The following STARD10 variants were observed in gnomAD, a reference collection of about 807,000 sequenced individuals.
STARD10 encodes the protein START domain-containing protein 10.
In STARD10, 24 loss-of-function variants were observed where a neutral mutation model predicts 36.0. The observed-to-expected ratio is 0.67, with a 90% confidence interval of 0.48 to 0.94. STARD10 has a LOEUF of 0.94. Among genes scored for constraint, STARD10 ranks in the 40% least tolerant of loss-of-function variants. STARD10 has a pLI of 0.00. For missense variants in STARD10, 335 were observed against 396.6 expected, an observed-to-expected ratio of 0.84 and a Z score of 1.32; for synonymous variants, 156 against 161.9, an observed-to-expected ratio of 0.96 and a Z score of 0.28.
rs1337842358 is a variant in STARD10 at position 72,784,600 on chromosome 11, CT to C, written c.-113-3307del. On this transcript the variant is annotated intron_variant, in intron 1 of 6. Transcript: ENST00000334805. ...CATGATGGTTTGGCAAGTTTTGATT[CT>C]CATGGAAGATCAAACAATGGAAACA... Among the ~76,000 whole-genome samples the C allele has an allele frequency of 2.6e-5, 4 of 152,166 alleles. No homozygotes were observed. In the East Asian group the frequency reaches 5.8e-4, roughly 22 times the overall value.
chr11:72,757,450 A>G (rs1488440037), intron 5 of STARD10, among the ~76,000 whole-genome samples: 2 of 152,314 alleles, frequency 1.3e-5, no homozygotes, highest in East Asian at 1.9e-4. Flanking sequence ...AGAGAAGACT[A>G]AGGCCTAGAA....
In STARD10 at chr11:72,758,771, C is replaced by T. The variant is rs1019592614; in HGVS notation, c.356-138G>A. 4.8e-6 allele frequency: 3 copies of T among 629,620 alleles called. No homozygotes were observed. In the African/African-American group the frequency reaches 5.5e-5, roughly 12 times the overall value. The allele number at this position is 629,620 out of a possible 1,614,324, so 39.0% of individuals were successfully genotyped here. A position where few individuals can be genotyped will look rare whatever the true frequency, so the allele number is the denominator to read the frequency against. On this transcript the variant is annotated intron_variant, in intron 3 of 6. Transcript: ENST00000334805. Reference sequence around the variant, plus strand: ...GCAAAGATACACCTCCCTCCCAGACCACAGTCCCACAGCTGGAGCCAGAAA... The same window carrying T: ...GCAAAGATACACCTCCCTCCCAGACTACAGTCCCACAGCTGGAGCCAGAAA...
rs2135625070 is a variant in STARD10 at position 72,781,415 on chromosome 11, G to C, written c.-113-121C>G. The stretch of plus-strand genomic sequence containing the variant: ...GCTGGCCCCAGGGAAGGGCGGACGG[G>C]CGCTGGACAGCCTCGGGGTCCCCCT... On this transcript the variant is annotated intron_variant, in intron 1 of 6. Transcript: ENST00000334805. This position sits in a 1 kb window ranked among gnomAD's most constrained non-coding sequence, Gnocchi z 4.7. The C allele has an allele frequency of 5.4e-6, 3 of 552,246 alleles. No homozygotes were observed. Among genetic ancestry groups the C allele is most frequent in the Non-Finnish European group, 9.8e-6 (3 of 305,828 alleles). 34.2% of individuals were successfully genotyped at this position (552,246 alleles called of 1,614,324 possible). A position where few individuals can be genotyped will look rare whatever the true frequency, so the allele number is the denominator to read the frequency against.
At chr11:72,761,973 T>C (rs1858724529) in intron 2 of STARD10, among the ~76,000 whole-genome samples, 1 of 142,172 alleles carries the variant, frequency 7.0e-6, no homozygotes, top group African/African-American at 2.6e-5. Context: ...TTGCCTAGGC[T>C]GGAGTGCAAT....
At chr11:72,762,520 G>C (rs1858730603) in intron 2 of STARD10, among the ~76,000 whole-genome samples, 1 of 151,814 alleles carries the variant, frequency 6.6e-6, no homozygotes, top group Non-Finnish European at 1.5e-5. Flanking sequence ...CTCTATAATG[G>C]GGCATAACTA....
chr11:72,760,632 C>T (rs1056200295), intron 2 of STARD10, among the ~76,000 whole-genome samples: 7 of 152,182 alleles, frequency 4.6e-5, no homozygotes, highest in African/African-American at 1.7e-4. Flanking sequence ...ACAACTCTGT[C>T]AGATAAGAAA....
intron 2 of STARD10, among the ~76,000 whole-genome samples, chr11:72,774,088 G>A (rs1431638892): frequency 6.6e-6 from 1 of 152,184 alleles, no homozygotes; most frequent in Non-Finnish European, 1.5e-5. Flanking sequence ...GTCCAAAGAC[G>A]GCAGGCAGGG....
intron 2 of STARD10, among the ~76,000 whole-genome samples, chr11:72,779,885 C>A (rs1402632987): frequency 2.0e-5 from 3 of 152,094 alleles, no homozygotes; most frequent in Non-Finnish European, 4.4e-5. Context: ...CAGAAGGGCT[C>A]AGGGTCAGAG....
At chr11:72,759,843 G>A (rs565539833) in intron 2 of STARD10, among the ~76,000 whole-genome samples, 6 of 152,218 alleles carry the variant, frequency 3.9e-5, no homozygotes, top group South Asian at 2.1e-4. Flanking sequence ...CTTATCACGC[G>A]GCCATACCAC....
chr11:72,771,563 C>T (rs1858857318), intron 2 of STARD10, among the ~76,000 whole-genome samples: 1 of 152,146 alleles, frequency 6.6e-6, no homozygotes, highest in African/African-American at 2.4e-5. Flanking sequence ...CCATGTCTCA[C>T]CCAGACAGAG....
chr11:72,790,493 G>C (rs568042778), intron 1 of STARD10: 2 of 152,314 alleles, frequency 1.3e-5, no homozygotes, highest in South Asian at 2.1e-4. Flanking sequence ...GTGGGCCGGG[G>C]GGGTATCTGA....
At chr11:72,767,450 C>T (rs375963689) in intron 2 of STARD10, among the ~76,000 whole-genome samples, 167 of 152,314 alleles carry the variant, frequency 1.1e-3, no homozygotes, top group Middle Eastern at 6.8e-3. Context: ...ACACAGCTAA[C>T]AGTAGTGAAG....
intron 2 of STARD10, among the ~76,000 whole-genome samples, chr11:72,772,663 ATCTC>A (rs144004318): frequency 6.6e-6 from 1 of 150,454 alleles, no homozygotes; most frequent in Non-Finnish European, 1.5e-5. Context: ...CTGTCTGTCT[ATCTC>A]TCTCTCTCTC....
At chr11:72,789,068 AAC>A (rs34399561) in intron 1 of STARD10, among the ~76,000 whole-genome samples, 77,841 of 151,840 alleles carry the variant, frequency 0.51, 20,101 homozygotes, top group East Asian at 0.62. Flanking sequence ...GCTGGTCTCG[AAC>A]TTCTGGCCTC....
At chr11:72,769,142 AG>A (rs1265562937) in intron 2 of STARD10, among the ~76,000 whole-genome samples, 2 of 152,200 alleles carry the variant, frequency 1.3e-5, no homozygotes, top group African/African-American at 4.8e-5. Flanking sequence ...AGACAGGTTC[AG>A]GGGAGATTCT....
rs1358453533 is a variant in STARD10, at chr11:72,781,508, G to C, written c.-113-214C>G. On this transcript the variant is annotated intron_variant, in intron 1 of 6. Coordinates refer to ENST00000334805, the MANE Select transcript of STARD10 (RefSeq NM_006645.3). The surrounding 1 kb of genome is among the most constrained non-coding windows in gnomAD (Gnocchi z 4.7). ...GCGTATGGGACGCGGTGGCCGGCGGGCGCCCGTCGGGACCCAGGGACTGGC... is the reference window on the plus strand; with the variant it reads ...GCGTATGGGACGCGGTGGCCGGCGGCCGCCCGTCGGGACCCAGGGACTGGC... Among the ~76,000 whole-genome samples the C allele has an allele frequency of 6.6e-6, 1 of 151,502 alleles. No homozygotes were observed. Among genetic ancestry groups the C allele is most frequent in the African/African-American group, 2.4e-5 (1 of 41,304 alleles).
At chr11:72,768,767 T>C (rs1211776101) in intron 2 of STARD10, among the ~76,000 whole-genome samples, 5 of 152,214 alleles carry the variant, frequency 3.3e-5, no homozygotes, top group African/African-American at 1.2e-4. Context: ...GCATGCGTTG[T>C]CATGCATTCA....
In STARD10 at chr11:72,788,570, C is replaced by G. The variant is rs1859103165; in HGVS notation, c.-114+4305G>C. ...ATGTATTTGTTGCTTATCTGAAATT[C>G]AGCCTTTTTTTTTTTTTAGATGGCG... is the stretch of plus-strand genomic sequence containing the variant. On this transcript the variant is annotated intron_variant, in intron 1 of 6. Transcript: ENST00000334805. Among the ~76,000 whole-genome samples the G allele has an allele frequency of 3.0e-5, 4 of 134,160 alleles. No homozygotes were observed. In the Admixed American group the frequency reaches 3.3e-4, roughly 11 times the overall value. The allele number at this position is 134,160 out of a possible 152,430, so 88.0% of individuals were successfully genotyped here.
At chr11:72,758,276 GT>G (rs1421490118) in intron 4 of STARD10, among the ~76,000 whole-genome samples, 1 of 152,196 alleles carries the variant, frequency 6.6e-6, no homozygotes, top group Non-Finnish European at 1.5e-5. Flanking sequence ...TCATTTCCCT[GT>G]CCCAGAGCCC....
Sources: gnomAD v4.1 joint callset for allele counts (sites outside exome capture counted in the v4.1 genomes callset) on GRCh38, gnomAD v4.1.1 for gene constraint, Gnocchi (gnomAD v3.1) non-coding constraint, MANE v1.5 for transcripts, NCBI Gene and HGNC (gene_info 2026-07-23, HGNC 2026-07-21) for gene names.